CSNK1D: variants seen among roughly 807,000 people sequenced by gnomAD.
CSNK1D encodes the protein casein kinase I isoform delta.
A neutral mutation model predicts 46.6 loss-of-function variants in CSNK1D; 16 were observed. The ratio of observed to expected loss-of-function variants is 0.34; its 90% CI spans 0.23 to 0.52. CSNK1D has a LOEUF of 0.52. Ranked by LOEUF, CSNK1D falls within the 20% of genes least tolerant of loss-of-function variation. The pLI is 0.95. For missense variants in CSNK1D, 398 were observed against 578.4 expected, an observed-to-expected ratio of 0.69 and a Z score of 3.20; for synonymous variants, 276 against 228.2, an observed-to-expected ratio of 1.21 and a Z score of -1.89.
chr17:82,272,691 C>A (rs1567823435), intron 1 of CSNK1D, among the ~76,000 whole-genome samples: 1 of 152,204 alleles, frequency 6.6e-6, no homozygotes, highest in South Asian at 2.1e-4. Flanking sequence ...CCGGGCCACT[C>A]CCCCGCTCCA....
At chr17:82,262,435 T>C (rs149073519) in intron 2 of CSNK1D, among the ~76,000 whole-genome samples, 2 of 152,350 alleles carry the variant, frequency 1.3e-5, no homozygotes, top group Non-Finnish European at 2.9e-5. Context: ...TTAAGGCTCA[T>C]TCTTCCCAAG....
At position 82,249,356 on chromosome 17, in the gene CSNK1D, GT is replaced by G; in HGVS notation, c.1057+74del. On this transcript the variant is annotated intron_variant, in intron 7 of 8. Coordinates refer to ENST00000314028, the MANE Select transcript of CSNK1D (RefSeq NM_001893.6). This position sits in a 1 kb window ranked among gnomAD's most constrained non-coding sequence, Gnocchi z 6.7. ...CTTAGTGTCCACCACCAAGTACCCTGTTGTCCCCACCAACCCCAAGACACAA... is the reference window on the plus strand; with the variant it reads ...CTTAGTGTCCACCACCAAGTACCCTGTGTCCCCACCAACCCCAAGACACAA... 4 of 1,416,856 alleles carry G rather than the reference GT, an allele frequency of 2.8e-6. No homozygotes were observed. Among genetic ancestry groups the G allele is most frequent in the Non-Finnish European group, 3.8e-6 (4 of 1,039,162 alleles). The allele number at this position is 1,416,856 out of a possible 1,614,324, so 87.8% of individuals were successfully genotyped here. A position where few individuals can be genotyped will look rare whatever the true frequency, so the allele number is the denominator to read the frequency against.
chr17:82,246,688 C>T lies in CSNK1D; in HGVS notation c.1198-1857G>A, dbSNP rs543243853. ...TCTGTGACCTACAGGCAGGCTGCCA[C>T]GTGGTCTTCCACCCATCCACACCCA... On this transcript the variant is annotated intron_variant, in intron 8 of 8. Transcript: ENST00000314028. 9.0e-6 allele frequency: 9 copies of T among 994,826 alleles called. No individual in the cohort carries two copies. The South Asian group carries it at 2.2e-4, about 24-fold the overall frequency. The allele number at this position is 994,826 out of a possible 1,614,324, so 61.6% of individuals were successfully genotyped here.
chr17:82,261,529 T>G (rs2147203375), intron 2 of CSNK1D, among the ~76,000 whole-genome samples: 1 of 152,198 alleles, frequency 6.6e-6, no homozygotes, highest in African/African-American at 2.4e-5. Context: ...TTTCATGAAG[T>G]TTTCAGCAGT....
At chr17:82,261,428 A>ACAAGG (rs2051337113) in intron 2 of CSNK1D, among the ~76,000 whole-genome samples, 1 of 152,180 alleles carries the variant, frequency 6.6e-6, no homozygotes, top group Non-Finnish European at 1.5e-5. Flanking sequence ...AATCGGGTGG[A>ACAAGG]CAAGGCCAGA....
intron 3 of CSNK1D, chr17:82,254,546 A>G (rs1403946426): frequency 3.3e-5 from 5 of 150,020 alleles, no homozygotes; most frequent in Non-Finnish European, 5.0e-5. Flanking sequence ...CAGTCAGCTG[A>G]GCCGCCGGAG....
chr17:82,251,421 G>A lies in CSNK1D; in HGVS notation c.843C>T (p.Gly281=), dbSNP rs936813500. The A allele has an allele frequency of 6.8e-6, 11 of 1,614,048 alleles. No homozygotes were observed. Among genetic ancestry groups the A allele is most frequent in the Non-Finnish European group, 9.3e-6 (11 of 1,180,056 alleles). Residue 281 remains glycine (G), a synonymous_variant, in exon 6 of 9, where the codon GGC becomes GGT. Coordinates refer to ENST00000314028, the MANE Select transcript of CSNK1D (RefSeq NM_001893.6). This position sits in a 1 kb window ranked among gnomAD's most constrained non-coding sequence, Gnocchi z 4.5. ...QLFRNLFHRQ[G]FSYDYVFDWN... is the part of the protein sequence containing the mutation. ...AGTCGAACACGTAGTCATAGGAGAA[G>A]CCCTGGCGATGGAACAGATTCCGGA...
chr17:82,255,179 G>A lies in CSNK1D; in HGVS notation c.336+250C>T. On this transcript the variant is annotated intron_variant, in intron 3 of 8. Coordinates refer to ENST00000314028, the MANE Select transcript of CSNK1D (RefSeq NM_001893.6). The surrounding 1 kb of genome is among the most constrained non-coding windows in gnomAD (Gnocchi z 5.9). ...GGGCCGCCGGAGCCTCGAGAAGCCA[G>A]TGAGCTGGGCCGCCGGAGCCTCGAG... is the stretch of plus-strand genomic sequence containing the variant. 1.9e-6 allele frequency: 1 copy of A among 534,356 alleles called. No individual in the cohort carries two copies. The highest frequency in any genetic ancestry group is 3.3e-6 in the Non-Finnish European group (1 of 298,606). The allele number at this position is 534,356 out of a possible 1,614,324, so 33.1% of individuals were successfully genotyped here. A position where few individuals can be genotyped will look rare whatever the true frequency, so the allele number is the denominator to read the frequency against.
chr17:82,243,209 T>C lies in CSNK1D; in HGVS notation c.*1572A>G. The C allele has an allele frequency of 1.0e-6, 1 of 985,490 alleles. No homozygotes were observed. The highest frequency in any genetic ancestry group is 1.2e-6 in the Non-Finnish European group (1 of 830,068). The allele number at this position is 985,490 out of a possible 1,614,324, so 61.0% of individuals were successfully genotyped here. The stretch of plus-strand genomic sequence containing the variant: ...CAGCTGGTGGGGGGGTGAACAACTG[T>C]GTTCTGGGACGCCAGCCAGTTATGG... On this transcript the variant is annotated 3_prime_UTR_variant, in exon 9 of 9. Coordinates refer to ENST00000314028, the MANE Select transcript of CSNK1D (RefSeq NM_001893.6).
chr17:82,253,155 G>T lies in CSNK1D; in HGVS notation c.426C>A (p.Gly142=), dbSNP rs758968098. The change falls in exon 4 of 9, where the codon GGC becomes GGA. Residue 142 remains glycine (G), a synonymous_variant. Transcript: ENST00000314028. Reference sequence around the variant, plus strand: ...CGAAGTCGATGATGTACACCAGGTTGCCCTTCTTCCCCAGGCCCATGAGGA... The same window carrying T: ...CGAAGTCGATGATGTACACCAGGTTTCCCTTCTTCCCCAGGCCCATGAGGA... ...DNFLMGLGKK[G]NLVYIIDFGL... is the part of the protein sequence containing the mutation. 10 of 1,614,204 alleles carry T rather than the reference G, an allele frequency of 6.2e-6. No homozygotes were observed. Among genetic ancestry groups the T allele is most frequent in the Non-Finnish European group, 8.5e-6 (10 of 1,180,028 alleles).
At chr17:82,247,266 G>A in intron 8 of CSNK1D, 2 of 985,418 alleles carry the variant, frequency 2.0e-6, no homozygotes, top group African/African-American at 1.7e-5. Context: ...CACCATGGAA[G>A]GAGACACTGC....
Position 82,249,345 on chromosome 17 carries a change from C to G in CSNK1D, c.1057+86G>C. The G allele has an allele frequency of 7.3e-7, 1 of 1,360,708 alleles. No homozygotes were observed. Among genetic ancestry groups the G allele is most frequent in the Non-Finnish European group, 1.0e-6 (1 of 988,598 alleles). The allele number at this position is 1,360,708 out of a possible 1,614,324, so 84.3% of individuals were successfully genotyped here. The stretch of plus-strand genomic sequence containing the variant: ...GACACAGGGCACTTAGTGTCCACCA[C>G]CAAGTACCCTGTTGTCCCCACCAAC... On this transcript the variant is annotated intron_variant, in intron 7 of 8. Coordinates refer to ENST00000314028, the MANE Select transcript of CSNK1D (RefSeq NM_001893.6). The surrounding 1 kb of genome is among the most constrained non-coding windows in gnomAD (Gnocchi z 6.7).
chr17:82,265,035 G>A (rs541963582), intron 2 of CSNK1D, among the ~76,000 whole-genome samples: 8 of 151,800 alleles, frequency 5.3e-5, no homozygotes, highest in South Asian at 4.2e-4. Flanking sequence ...TCCTGACCTC[G>A]TGATCCGCCT....
rs2050943269 is a variant in CSNK1D at position 82,249,507 on chromosome 17, A to G, written c.981T>C (p.Pro327=). The change falls in exon 7 of 9, where the codon CCT becomes CCC. Residue 327 remains proline (P), a synonymous_variant. Transcript: ENST00000314028. The surrounding 1 kb of genome is among the most constrained non-coding windows in gnomAD (Gnocchi z 6.7). The part of the protein sequence containing the change: ...HSRNPATRGL[P]STASGRLRGT... ...CCCGCAGGCGGCCGGAGGCTGTGGA[A>G]GGGAGGCCGCGGGTAGCCGGGTTCC... The G allele has an allele frequency of 3.2e-6, 5 of 1,544,188 alleles. No individual in the cohort carries two copies. Among genetic ancestry groups the G allele is most frequent in the Non-Finnish European group, 4.4e-6 (5 of 1,146,824 alleles).
At position 82,248,255 on chromosome 17, in the gene CSNK1D, C is replaced by G. The variant is rs1392759871; in HGVS notation, c.1197+620G>C. 2 of 986,174 alleles carry G rather than the reference C, an allele frequency of 2.0e-6. No individual in the cohort carries two copies. Among genetic ancestry groups the G allele is most frequent in the Non-Finnish European group, 2.4e-6 (2 of 830,502 alleles). The allele number at this position is 986,174 out of a possible 1,614,324, so 61.1% of individuals were successfully genotyped here. A position where few individuals can be genotyped will look rare whatever the true frequency, so the allele number is the denominator to read the frequency against. Reference sequence around the variant, plus strand: ...AGTTCAAAGAGCACGTTAGCAAACGCAAAAGACAACAAAAGCCAGAGCGAG... The same window carrying G: ...AGTTCAAAGAGCACGTTAGCAAACGGAAAAGACAACAAAAGCCAGAGCGAG... On this transcript the variant is annotated intron_variant, in intron 8 of 8. Transcript: ENST00000314028. This position sits in a 1 kb window ranked among gnomAD's most constrained non-coding sequence, Gnocchi z 4.1.
chr17:82,272,962 T>C (rs1599629512), intron 1 of CSNK1D: 1 of 124,986 alleles, frequency 8.0e-6, no homozygotes, highest in South Asian at 1.9e-4. Flanking sequence ...ACCCAGCCCT[T>C]CCCGAGTCCG....
chr17:82,257,427 G>T (rs562359764), intron 2 of CSNK1D, among the ~76,000 whole-genome samples: 1 of 152,260 alleles, frequency 6.6e-6, no homozygotes, highest in South Asian at 2.1e-4. Flanking sequence ...GTCAAAAAGA[G>T]ATGCTATTGT....
intron 8 of CSNK1D, chr17:82,247,806 CA>C: frequency 1.0e-6 from 1 of 985,438 alleles, no homozygotes; most frequent in Non-Finnish European, 1.2e-6. Context: ...ACCACGAAGC[CA>C]AAATCCCTGC....
At position 82,255,698 on chromosome 17, in the gene CSNK1D, G is replaced by A; in HGVS notation, c.188-121C>T. ...TCCTGAACGGGGGAGGGGTGGTGGA[G>A]GTAGAAGACCCCGGCAACGCCGCTC... On this transcript the variant is annotated intron_variant, in intron 2 of 8. Coordinates refer to ENST00000314028, the MANE Select transcript of CSNK1D (RefSeq NM_001893.6). The surrounding 1 kb of genome is among the most constrained non-coding windows in gnomAD (Gnocchi z 5.9). 1.6e-6 allele frequency: 2 copies of A among 1,278,754 alleles called. No homozygotes were observed. The highest frequency in any genetic ancestry group is 1.5e-5 in the African/African-American group (1 of 68,490). The allele number at this position is 1,278,754 out of a possible 1,614,324, so 79.2% of individuals were successfully genotyped here.
Sources: gnomAD v4.1 joint callset for allele counts (sites outside exome capture counted in the v4.1 genomes callset) on GRCh38, gnomAD v4.1.1 for gene constraint, Gnocchi (gnomAD v3.1) non-coding constraint, MANE v1.5 for transcripts, NCBI Gene and HGNC (gene_info 2026-07-23, HGNC 2026-07-21) for gene names.